The following FHIT variants were observed in gnomAD, a reference collection of about 807,000 sequenced individuals.
FHIT encodes fragile histidine triad diadenosine triphosphatase, also known as bis(5'-adenosyl)-triphosphatase.
In FHIT, 19 loss-of-function variants were observed where a neutral mutation model predicts 17.9. The observed-to-expected ratio is 1.06, with a 90% CI of 0.74 to 1.56. FHIT has a LOEUF of 1.56. Ranked by LOEUF, FHIT falls within the 40% of genes most tolerant of loss-of-function variation. The probability of loss-of-function intolerance (pLI) is 0.00; values close to 1 mark genes in which losing one functional copy is unlikely to be tolerated. For missense variants in FHIT, 248 were observed against 189.2 expected, an observed-to-expected ratio of 1.31 and a Z score of -1.82; for synonymous variants, 81 against 69.7, an observed-to-expected ratio of 1.16 and a Z score of -0.81.
intron 3 of FHIT, among the ~76,000 whole-genome samples, chr3:60,825,779 C>A (rs1344979859): frequency 6.6e-6 from 1 of 152,146 alleles, no homozygotes; most frequent in Non-Finnish European, 1.5e-5. Flanking sequence ...TCCACAAAAC[C>A]AGTCCCTGGT....
chr3:59,761,925 T>C (rs1405654501), intron 8 of FHIT, among the ~76,000 whole-genome samples: 1 of 152,218 alleles, frequency 6.6e-6, no homozygotes, highest in Non-Finnish European at 1.5e-5. Flanking sequence ...TTGTTTTATT[T>C]CCTTATTAAG....
At chr3:60,789,171 T>TAG (rs1387164031) in intron 4 of FHIT, among the ~76,000 whole-genome samples, 204 of 130,142 alleles carry the variant, frequency 1.6e-3, no homozygotes, top group African/African-American at 4.5e-3. Flanking sequence ...TATATATATA[T>TAG]ATATAGAGAG....
At chr3:61,063,497 C>A (rs1353852475) in intron 2 of FHIT, among the ~76,000 whole-genome samples, 1 of 152,026 alleles carries the variant, frequency 6.6e-6, no homozygotes, top group Non-Finnish European at 1.5e-5. Flanking sequence ...GCAAAACAAT[C>A]CCAAGTATGG....
chr3:61,015,531 G>T lies in FHIT; in HGVS notation c.-111+26516C>A, dbSNP rs566022978. On this transcript the variant is annotated intron_variant, in intron 3 of 9. Transcript: ENST00000492590. Reference sequence around the variant, plus strand: ...AAGAAGTAATTACATTAAGAACTTGGAGGCATGCCTTCAGGAATGTCACTA... The same window carrying T: ...AAGAAGTAATTACATTAAGAACTTGTAGGCATGCCTTCAGGAATGTCACTA... Among the ~76,000 whole-genome samples, 8 of 152,230 alleles carry T rather than the reference G, an allele frequency of 5.3e-5. No individual in the cohort carries two copies. The South Asian group carries it at 1.7e-3, about 32-fold the overall frequency.
At chr3:60,241,620 C>T (rs547062249) in intron 5 of FHIT, among the ~76,000 whole-genome samples, 7 of 152,070 alleles carry the variant, frequency 4.6e-5, no homozygotes, top group Admixed American at 1.3e-4. Context: ...GAGAGATAAA[C>T]GGTAGAGAAA....
chr3:60,473,884 T>C (rs1394769458), intron 5 of FHIT, among the ~76,000 whole-genome samples: 3 of 151,862 alleles, frequency 2.0e-5, no homozygotes, highest in African/African-American at 4.8e-5. Context: ...GATCACGCCA[T>C]TGCACTCTGG....
rs577931917 is a variant in FHIT at position 60,615,529 on chromosome 3, G to A, written c.-17-78550C>T. ...AAATTGGCTATTCATTTTAGTTACA[G>A]CCATTCGTCAGAGCAAAGTGATGGT... On this transcript the variant is annotated intron_variant, in intron 4 of 9. Transcript: ENST00000492590. Among the ~76,000 whole-genome samples the A allele has an allele frequency of 1.4e-4, 21 of 152,300 alleles. 1 individual carries two copies. The South Asian group carries it at 3.3e-3, about 24-fold the overall frequency.
At chr3:60,351,181 T>G (rs1699376564) in intron 5 of FHIT, among the ~76,000 whole-genome samples, 1 of 152,206 alleles carries the variant, frequency 6.6e-6, no homozygotes, top group Non-Finnish European at 1.5e-5. Flanking sequence ...TGGAGTAATT[T>G]GTTATATAGC....
chr3:60,195,659 C>CAT lies in FHIT; in HGVS notation c.104-181509_104-181508dup, dbSNP rs1225141894. 9.7e-3 allele frequency among the ~76,000 whole-genome samples: 1,420 copies of CAT among 145,810 alleles called. 25 individuals carry two copies. Among genetic ancestry groups the CAT allele is most frequent in the African/African-American group, 0.034 (1,367 of 39,646 alleles). On this transcript the variant is annotated intron_variant, in intron 5 of 9. Transcript: ENST00000492590. ...CATATAAACATGATATATATACACA[C>CAT]ATATATATATGTATACCATGGAATA...
At chr3:60,682,991 G>T (rs1192906597) in intron 4 of FHIT, among the ~76,000 whole-genome samples, 5 of 152,196 alleles carry the variant, frequency 3.3e-5, no homozygotes, top group African/African-American at 9.6e-5. Context: ...GTGGAGGAAG[G>T]AGCTGAAGAT....
chr3:60,375,944 G>A (rs1700541759), intron 5 of FHIT, among the ~76,000 whole-genome samples: 2 of 152,132 alleles, frequency 1.3e-5, no homozygotes, highest in Admixed American at 1.3e-4. Context: ...GTGTGCCTGA[G>A]GAAGTGAACA....
At chr3:60,805,956 A>T (rs1701370696) in intron 4 of FHIT, among the ~76,000 whole-genome samples, 1 of 152,198 alleles carries the variant, frequency 6.6e-6, no homozygotes, top group African/African-American at 2.4e-5. Context: ...AGGGGAATAC[A>T]ATTCAGGCCA....
intron 5 of FHIT, among the ~76,000 whole-genome samples, chr3:60,409,616 G>A (rs556710806): frequency 1.1e-4 from 16 of 152,170 alleles, no homozygotes; most frequent in South Asian, 2.1e-4. Context: ...AGATGTCAGT[G>A]ATCTAGTTAC....
At chr3:60,955,611 T>TATATACATATATATATATATAC (rs1553778525) in intron 3 of FHIT, among the ~76,000 whole-genome samples, 1,490 of 16,812 alleles carry the variant, frequency 0.089, 106 homozygotes, top group African/African-American at 0.18. Context: ...TATATATATA[T>TATATACATATATATATATATAC]ATATATATAT....
At chr3:60,500,771 T>TAAAAAAAAAAAAAAAAAAAAAAA (rs71092606) in intron 5 of FHIT, among the ~76,000 whole-genome samples, 1 of 64,858 alleles carries the variant, frequency 1.5e-5, no homozygotes, top group African/African-American at 6.2e-5. Flanking sequence ...AGCATCCATC[T>TAAAAAAAAAAAAAAAAAAAAAAA]AAAAAAAAAA....
intron 3 of FHIT, among the ~76,000 whole-genome samples, chr3:61,016,401 A>G (rs577988169): frequency 2.6e-5 from 4 of 152,344 alleles, no homozygotes; most frequent in African/African-American, 9.6e-5. Flanking sequence ...AGAACAAAGA[A>G]ACAGAGCAAG....
intron 3 of FHIT, among the ~76,000 whole-genome samples, chr3:61,038,639 A>G (rs987837401): frequency 7.2e-5 from 11 of 152,340 alleles, no homozygotes; most frequent in East Asian, 1.9e-4. Flanking sequence ...AAATGCCCAT[A>G]TTTGTTACAG....
chr3:60,018,301 T>G (rs1175782959), intron 5 of FHIT, among the ~76,000 whole-genome samples: 2 of 152,146 alleles, frequency 1.3e-5, no homozygotes, highest in African/African-American at 4.8e-5. Context: ...ATCAAGTGAT[T>G]CATGAAGGAT....
intron 4 of FHIT, among the ~76,000 whole-genome samples, chr3:60,736,380 A>G (rs13319380): frequency 0.034 from 3,975 of 116,876 alleles, 183 homozygotes; most frequent in African/African-American, 0.093. Flanking sequence ...AAAATGTGGG[A>G]AAAAAAACCT....
Sources: gnomAD v4.1 joint callset for allele counts (sites outside exome capture counted in the v4.1 genomes callset) on GRCh38, gnomAD v4.1.1 for gene constraint, MANE v1.5 for transcripts, NCBI Gene and HGNC (gene_info 2026-07-23, HGNC 2026-07-21) for gene names.